Variants in METTL4 observed in about 807,000 individuals in gnomAD.
METTL4 encodes the protein N(6)-adenine-specific methyltransferase METTL4.
METTL4 carries 40 observed loss-of-function variants against 54.0 expected under a neutral mutation model. That is an observed-to-expected ratio of 0.74 (90% confidence interval 0.58 to 0.96). METTL4 has a LOEUF of 0.96. METTL4 is among the 50% of genes least tolerant of loss of function. The pLI is 0.00. For missense variants in METTL4, 525 were observed against 549.0 expected (o/e 0.96, Z 0.44); for synonymous variants, 169 against 183.8 (o/e 0.92, Z 0.65).
Position 2,567,274 on chromosome 18 carries a change from C to T in METTL4, c.-58G>A. ...GAACTAGAATGAAAATCCAACTTTC[C>T]AGATCAGCTTCTTAAATATCTTGTA... On this transcript the variant is annotated 5_prime_UTR_variant, in exon 2 of 9. Coordinates refer to ENST00000574538, the MANE Select transcript of METTL4 (RefSeq NM_022840.5). The T allele has an allele frequency of 6.9e-7, 1 of 1,457,354 alleles. No homozygotes were observed. The highest frequency in any genetic ancestry group is 9.2e-7 in the Non-Finnish European group (1 of 1,081,840). 90.3% of individuals were successfully genotyped at this position (1,457,354 alleles called of 1,614,324 possible).
chr18:2,539,817 A>G, intron 8 of METTL4: 1 of 936,718 alleles, frequency 1.1e-6, no homozygotes, highest in Non-Finnish European at 1.3e-6. Context: ...ATACATGAAA[A>G]AGAGCTCTAA....
chr18:2,566,856 C>T lies in METTL4; in HGVS notation c.361G>A (p.Val121Ile), dbSNP rs1321526065. The T allele has an allele frequency of 1.3e-6, 2 of 1,581,164 alleles. No homozygotes were observed. Among genetic ancestry groups the T allele is most frequent in the East Asian group, 4.5e-5 (2 of 44,282 alleles). The change falls in exon 2 of 9, where the codon GTT becomes ATT. Residue 121 changes from valine (V) to isoleucine (I), a missense_variant. Physicochemically the swap from Val to Ile is conservative, Grantham distance 29. Coordinates refer to ENST00000574538, the MANE Select transcript of METTL4 (RefSeq NM_022840.5). ...SNEKEDLMNG[V>I]KKEISISIIG... ...ATAGAAATGGAGATTTCTTTTTTAA[C>T]ACCATTCATCAGATCTTCCTTTTCA...
At chr18:2,557,591 G>C (rs1362996284) in intron 3 of METTL4, among the ~76,000 whole-genome samples, 1 of 152,218 alleles carries the variant, frequency 6.6e-6, no homozygotes, top group Non-Finnish European at 1.5e-5. Flanking sequence ...GGTCAGACAG[G>C]TTTGTTTGCA....
chr18:2,554,570 C>T, intron 4 of METTL4, 99 bp downstream of exon 4: 1 of 1,085,396 alleles, frequency 9.2e-7, no homozygotes, highest in Middle Eastern at 3.1e-4. Context: ...ACCCTATCCT[C>T]ATAAATGCTG....
chr18:2,560,032 T>C (rs2072292883), intron 3 of METTL4, among the ~76,000 whole-genome samples: 1 of 151,956 alleles, frequency 6.6e-6, no homozygotes, highest in African/African-American at 2.4e-5. Context: ...AACCACCATG[T>C]CCAGCCTGAA....
Position 2,567,258 on chromosome 18 carries a change from T to C in METTL4, c.-42A>G, listed in dbSNP as rs370735315. 2.0e-6 allele frequency: 3 copies of C among 1,518,976 alleles called. No individual in the cohort carries two copies. Among genetic ancestry groups the C allele is most frequent in the African/African-American group, 2.8e-5 (2 of 71,720 alleles). 94.1% of individuals were successfully genotyped at this position (1,518,976 alleles called of 1,614,324 possible). A position where few individuals can be genotyped will look rare whatever the true frequency, so the allele number is the denominator to read the frequency against. On this transcript the variant is annotated 5_prime_UTR_variant, in exon 2 of 9. Coordinates refer to ENST00000574538, the MANE Select transcript of METTL4 (RefSeq NM_022840.5). ...AGCCTCTGGGAATTAGGAACTAGAA[T>C]GAAAATCCAACTTTCCAGATCAGCT...
chr18:2,546,306 A>G (rs576885303), intron 6 of METTL4, among the ~76,000 whole-genome samples: 2 of 152,268 alleles, frequency 1.3e-5, no homozygotes, highest in South Asian at 4.1e-4. Context: ...CCACATTCAC[A>G]TAACATTTAC....
intron 3 of METTL4, among the ~76,000 whole-genome samples, chr18:2,560,056 T>G (rs1304771744): frequency 6.6e-6 from 1 of 152,116 alleles, no homozygotes; most frequent in Non-Finnish European, 1.5e-5. Flanking sequence ...AACACATTTC[T>G]TAGAAAATAA....
In METTL4 at chr18:2,549,176, T is replaced by C. The variant is rs546955261; in HGVS notation, c.900-1647A>G. ...CCTTTACTTATCTATTTCCATACAT[T>C]TCCTCTTAAAGGAAATGGCATGATT... On this transcript the variant is annotated intron_variant, in intron 5 of 8. Transcript: ENST00000574538. Among the ~76,000 whole-genome samples, 84 of 152,320 alleles carry C rather than the reference T, an allele frequency of 5.5e-4. 1 individual carries two copies. Among genetic ancestry groups the C allele is most frequent in the African/African-American group, 1.9e-3 (78 of 41,564 alleles).
intron 5 of METTL4, 108 bp downstream of exon 5, chr18:2,552,587 G>C: frequency 1.4e-6 from 1 of 714,534 alleles, no homozygotes. Context: ...AAGCATTTTA[G>C]TAGTTTCAGA....
At position 2,554,668 on chromosome 18, in the gene METTL4, C is replaced by T. The variant is rs148311311; in HGVS notation, c.829+1G>A. On this transcript the variant is annotated splice_donor_variant, in intron 4 of 8. Transcript: ENST00000574538. LOFTEE classifies it high-confidence loss of function. ...TAATAACAAACACAATAATTACTTA[C>T]AGTTTAGAAGTGGTTGCATACAAGA... 100 of 1,586,770 alleles carry T rather than the reference C, an allele frequency of 6.3e-5. No homozygotes were observed. Among genetic ancestry groups the T allele is most frequent in the Non-Finnish European group, 7.8e-5 (92 of 1,173,702 alleles).
Position 2,559,168 on chromosome 18 carries a change from T to C in METTL4, c.460-4130A>G, listed in dbSNP as rs2072279244. ...ACTGGAATAGATATTTGTACACCTG[T>C]CTTCAGAGAAGCATTATTCACAACA... On this transcript the variant is annotated intron_variant, in intron 3 of 8. Coordinates refer to ENST00000574538, the MANE Select transcript of METTL4 (RefSeq NM_022840.5). Among the ~76,000 whole-genome samples, 5 of 152,206 alleles carry C rather than the reference T, an allele frequency of 3.3e-5. No homozygotes were observed. The South Asian group carries it at 1.0e-3, about 31-fold the overall frequency.
intron 4 of METTL4, chr18:2,553,555 C>T (rs2072193875): frequency 1.3e-5 from 2 of 152,064 alleles, no homozygotes; most frequent in African/African-American, 2.4e-5. Flanking sequence ...TACTTTAAGA[C>T]CATGAAAATA....
intron 8 of METTL4, chr18:2,540,753 C>A (rs751030298): frequency 2.0e-6 from 2 of 985,322 alleles, no homozygotes; most frequent in South Asian, 9.4e-5. Context: ...GAATTTAACG[C>A]CTCACCAGCC....
At chr18:2,548,059 A>G (rs1388083855) in intron 5 of METTL4, among the ~76,000 whole-genome samples, 11 of 152,148 alleles carry the variant, frequency 7.2e-5, no homozygotes, top group Admixed American at 7.2e-4. Context: ...ACAGGGAGTC[A>G]TCTCACCTAT....
chr18:2,569,984 A>G (rs2072478620), intron 1 of METTL4, among the ~76,000 whole-genome samples: 1 of 152,220 alleles, frequency 6.6e-6, no homozygotes, highest in Non-Finnish European at 1.5e-5. Context: ...TGGTGAAAAG[A>G]GTCACCAGGG....
At chr18:2,543,270 T>A (rs1440842411) in intron 8 of METTL4, among the ~76,000 whole-genome samples, 1 of 152,194 alleles carries the variant, frequency 6.6e-6, no homozygotes, top group Non-Finnish European at 1.5e-5. Flanking sequence ...CAAGGTAACA[T>A]AAGCTCCTGT....
Position 2,567,058 on chromosome 18 carries a change from C to G in METTL4, c.159G>C (p.Val53=). ...VHFESLQMDS[V]SSSGVCAAFI... is the part of the protein sequence containing the mutation. ...ATGCAGCACAGACTCCAGAGGAGGA[C>G]ACAGAATCCATTTGAAGAGACTCAA... Residue 53 remains valine, a synonymous_variant, in exon 2 of 9, where the codon GTG becomes GTC. Coordinates refer to ENST00000574538, the MANE Select transcript of METTL4 (RefSeq NM_022840.5). 6.2e-7 allele frequency: 1 copy of G among 1,614,166 alleles called. No homozygotes were observed. Among genetic ancestry groups the G allele is most frequent in the Non-Finnish European group, 8.5e-7 (1 of 1,180,014 alleles).
At position 2,540,744 on chromosome 18, in the gene METTL4, A is replaced by T. The variant is rs1191019369; in HGVS notation, c.1274-1599T>A. The T allele has an allele frequency of 3.0e-6, 3 of 985,354 alleles. No individual in the cohort carries two copies. The African/African-American group carries it at 5.2e-5, about 17-fold the overall frequency. The allele number at this position is 985,354 out of a possible 1,614,324, so 61.0% of individuals were successfully genotyped here. A position where few individuals can be genotyped will look rare whatever the true frequency, so the allele number is the denominator to read the frequency against. ...AGAACTTTTCCATTTTCTTCCCATG[A>T]ATTTAACGCCTCACCAGCCTCAGTT... On this transcript the variant is annotated intron_variant, in intron 8 of 8. Transcript: ENST00000574538.
Sources: gnomAD v4.1 joint callset for allele counts (sites outside exome capture counted in the v4.1 genomes callset) on GRCh38, gnomAD v4.1.1 for gene constraint, MANE v1.5 for transcripts, NCBI Gene and HGNC (gene_info 2026-07-23, HGNC 2026-07-21) for gene names.